SAMSN1: variants seen among roughly 807,000 people sequenced by gnomAD.
SAMSN1 encodes the protein SAM domain, SH3 domain and nuclear localization signals 1.
A neutral mutation model predicts 42.0 loss-of-function variants in SAMSN1; 31 were observed. The ratio of observed to expected loss-of-function variants is 0.74; its 90% confidence interval spans 0.55 to 1.00. The LOEUF (loss-of-function observed/expected upper bound fraction) is 1.00, where lower values mean the gene tolerates loss of function less well. Ranked by LOEUF, SAMSN1 falls within the 50% of genes least tolerant of loss-of-function variation. SAMSN1 has a pLI of 0.00. For synonymous variants in SAMSN1, 178 were observed against 151.9 expected, an observed-to-expected ratio of 1.17 and a Z score of -1.26; for missense variants, 464 against 439.4, an observed-to-expected ratio of 1.06 and a Z score of -0.50.
rs911170423 is a variant in SAMSN1, at chr21:14,646,601, T to G, written c.25-3468A>C. On this transcript the variant is annotated intron_variant, in intron 1 of 15. Coordinates refer to the SAMSN1 transcript ENST00000647101. Reference sequence around the variant, plus strand: ...TACAAAACTCACTGGTAATAGTAAGTACACAGACATATACAGAATATTATA... The same window carrying G: ...TACAAAACTCACTGGTAATAGTAAGGACACAGACATATACAGAATATTATA... Among the ~76,000 whole-genome samples the G allele has an allele frequency of 2.0e-5, 3 of 152,268 alleles. No individual in the cohort carries two copies. The Middle Eastern group carries it at 0.01, about 518-fold the overall frequency.
chr21:14,521,757 A>G (rs139779328), intron 1 of SAMSN1, among the ~76,000 whole-genome samples: 3 of 152,292 alleles, frequency 2.0e-5, no homozygotes, highest in Non-Finnish European at 4.4e-5. Context: ...TAGCTAATGC[A>G]TGATGGGCTT....
At chr21:14,526,599 G>A (rs2822741) in intron 1 of SAMSN1, among the ~76,000 whole-genome samples, 122,358 of 152,194 alleles carry the variant, frequency 0.8, 49,936 homozygotes, top group East Asian at 1. Flanking sequence ...CTTAGTTATC[G>A]TCTAGCTCTT....
At chr21:14,632,554 G>A (rs77774360) in intron 2 of SAMSN1, among the ~76,000 whole-genome samples, 8,227 of 151,942 alleles carry the variant, frequency 0.054, 301 homozygotes, top group Middle Eastern at 0.092. Context: ...AAATAATATT[G>A]TAATACAAAT....
intron 7 of SAMSN1, among the ~76,000 whole-genome samples, chr21:14,491,707 C>T (rs2123651370): frequency 6.6e-6 from 1 of 152,254 alleles, no homozygotes; most frequent in East Asian, 1.9e-4. Context: ...CATGAAGCCT[C>T]CCTTGTCACA....
chr21:14,569,493 C>G (rs1600935734), intron 2 of SAMSN1, among the ~76,000 whole-genome samples: 1 of 152,044 alleles, frequency 6.6e-6, no homozygotes, highest in Admixed American at 6.6e-5. Context: ...TTAATCTTAA[C>G]CCTCATCTGC....
At chr21:14,579,259 A>G (rs1981617400) in intron 2 of SAMSN1, among the ~76,000 whole-genome samples, 1 of 152,224 alleles carries the variant, frequency 6.6e-6, no homozygotes, top group Non-Finnish European at 1.5e-5. Flanking sequence ...CGAATGCTGA[A>G]CAATATCATC....
chr21:14,490,808 T>G (rs1986652253), intron 7 of SAMSN1, among the ~76,000 whole-genome samples: 1 of 151,920 alleles, frequency 6.6e-6, no homozygotes, highest in Non-Finnish European at 1.5e-5. Context: ...GGAGCCTAGC[T>G]TCTAACGAGA....
Position 14,570,230 on chromosome 21 carries a change from T to A in SAMSN1, c.261+11906A>T, listed in dbSNP as rs377229395. ...GCATTCTAGAGAGAGAATTTATGAG[T>A]TCATTTCAATCACCACAAATGAAAG... On this transcript the variant is annotated intron_variant, in intron 2 of 8. Coordinates refer to the SAMSN1 transcript ENST00000285670. Among the ~76,000 whole-genome samples, 34 of 152,274 alleles carry A rather than the reference T, an allele frequency of 2.2e-4. 6 individuals carry two copies. Among genetic ancestry groups the A allele is most frequent in the Admixed American group, 1.2e-3 (19 of 15,296 alleles).
intron 2 of SAMSN1, among the ~76,000 whole-genome samples, chr21:14,637,511 A>G (rs1410511237): frequency 3.3e-5 from 5 of 152,122 alleles, no homozygotes; most frequent in Non-Finnish European, 7.4e-5. Context: ...GACTGCTGTA[A>G]TTGTCTTTTA....
Position 14,500,634 on chromosome 21 carries a change from G to A in SAMSN1, c.663C>T (p.Val221=), listed in dbSNP as rs1427083479. 2 of 1,613,866 alleles carry A rather than the reference G, an allele frequency of 1.2e-6. No homozygotes were observed. Among genetic ancestry groups the A allele is most frequent in the Non-Finnish European group, 1.7e-6 (2 of 1,179,942 alleles). ...TGGGGGCTGCTTCCTCTTCTGAGAT[G>A]ACATCCACATAAATGAATTTGAAGT... The part of the protein sequence containing the change: ...VGNFKFIYVD[V]ISEEEAAPKK... Residue 221 remains valine, a synonymous_variant, in exon 6 of 8, where the codon GTC becomes GTT. Transcript: ENST00000400566.
intron 2 of SAMSN1, among the ~76,000 whole-genome samples, chr21:14,620,773 G>T (rs1223874205): frequency 6.6e-6 from 1 of 152,124 alleles, no homozygotes; most frequent in African/African-American, 2.4e-5. Flanking sequence ...GATACATATA[G>T]ATGACATTTC....
chr21:14,591,249 G>C (rs960464264), intron 7 of SAMSN1: 3 of 152,112 alleles, frequency 2.0e-5, no homozygotes, highest in African/African-American at 7.2e-5. Flanking sequence ...ATGAGTAATT[G>C]AATGAATTAG....
At chr21:14,628,220 T>C (rs1226813439) in intron 2 of SAMSN1, among the ~76,000 whole-genome samples, 2 of 152,170 alleles carry the variant, frequency 1.3e-5, no homozygotes, top group Non-Finnish European at 2.9e-5. Context: ...TAGTGTTCCA[T>C]AGAACTATAG....
Position 14,485,656 on chromosome 21 carries a change from T to C in SAMSN1, c.*256A>G, listed in dbSNP as rs1177639906. 6 of 319,040 alleles carry C rather than the reference T, an allele frequency of 1.9e-5. No individual in the cohort carries two copies. Among genetic ancestry groups the C allele is most frequent in the Admixed American group, 4.4e-5 (1 of 22,548 alleles). 19.8% of individuals were successfully genotyped at this position (319,040 alleles called of 1,614,324 possible). On this transcript the variant is annotated 3_prime_UTR_variant, in exon 8 of 8. Coordinates refer to ENST00000400566, the MANE Select transcript of SAMSN1 (RefSeq NM_022136.5). ...AAAGCATATGTCACACATACCAAAGTCTTACATTTTGCCTTTCTAATACAA... is the reference window on the plus strand; with the variant it reads ...AAAGCATATGTCACACATACCAAAGCCTTACATTTTGCCTTTCTAATACAA...
At chr21:14,565,220 T>C (rs1600933137) in intron 2 of SAMSN1, among the ~76,000 whole-genome samples, 1 of 141,152 alleles carries the variant, frequency 7.1e-6, no homozygotes, top group African/African-American at 2.7e-5. Context: ...CACTTTAACC[T>C]GGGAGGCGGA....
intron 2 of SAMSN1, among the ~76,000 whole-genome samples, chr21:14,627,089 G>C (rs1425645321): frequency 6.6e-6 from 1 of 152,072 alleles, no homozygotes; most frequent in South Asian, 2.1e-4. Context: ...AGAACACATG[G>C]ACACAGGGTG....
intron 2 of SAMSN1, among the ~76,000 whole-genome samples, chr21:14,639,803 T>A (rs1195292823): frequency 6.6e-6 from 1 of 152,192 alleles, no homozygotes; most frequent in Non-Finnish European, 1.5e-5. Flanking sequence ...TCCCGCTAGT[T>A]TTTGGCCGTT....
At chr21:14,507,271 A>T (rs1174544937) in intron 5 of SAMSN1, among the ~76,000 whole-genome samples, 1 of 152,228 alleles carries the variant, frequency 6.6e-6, no homozygotes, top group Non-Finnish European at 1.5e-5. Flanking sequence ...TTCTGATGAT[A>T]TGATCATTTA....
intron 2 of SAMSN1, among the ~76,000 whole-genome samples, chr21:14,619,380 T>C (rs1982941157): frequency 6.6e-6 from 1 of 152,216 alleles, no homozygotes; most frequent in African/African-American, 2.4e-5. Flanking sequence ...AATCCCATGG[T>C]GAATTTTTAG....
Sources: allele counts gnomAD v4.1 joint callset (sites outside exome capture counted in the v4.1 genomes callset), GRCh38; gene constraint gnomAD v4.1.1; transcripts MANE v1.5; gene names NCBI Gene and HGNC (gene_info 2026-07-23, HGNC 2026-07-21).